DHX35: variants seen among roughly 807,000 people sequenced by gnomAD.
DHX35 encodes the protein DEAH-box helicase 35.
A neutral mutation model predicts 99.6 loss-of-function variants in DHX35; 84 were observed. The observed-to-expected ratio is 0.84, with a 90% CI of 0.71 to 1.01. DHX35 has a LOEUF of 1.01. DHX35 is among the 50% of genes least tolerant of loss of function. DHX35 has a pLI of 0.00. For synonymous variants in DHX35, 331 were observed against 316.2 expected, an observed-to-expected ratio of 1.05 and a Z score of -0.50; for missense variants, 852 against 888.5, an observed-to-expected ratio of 0.96 and a Z score of 0.52.
intron 3 of DHX35, chr20:38,978,039 T>C (rs1330275583): frequency 2.7e-6 from 2 of 740,106 alleles, no homozygotes; most frequent in African/African-American, 3.4e-5. Flanking sequence ...CTTCTTCCTC[T>C]TCATCTTCTG....
At chr20:38,997,718 C>T (rs1055196321) in intron 8 of DHX35, among the ~76,000 whole-genome samples, 4 of 151,684 alleles carry the variant, frequency 2.6e-5, no homozygotes, top group Admixed American at 6.6e-5. Flanking sequence ...GTTGTGGGTC[C>T]GTGTGTGAGG....
chr20:39,010,959 C>G (rs2086693806), intron 13 of DHX35, among the ~76,000 whole-genome samples: 1 of 152,218 alleles, frequency 6.6e-6, no homozygotes, highest in African/African-American at 2.4e-5. Context: ...AATGTCAACT[C>G]TAGCAGTGCC....
At chr20:38,987,815 T>C (rs1355223278) in intron 4 of DHX35, among the ~76,000 whole-genome samples, 1 of 152,228 alleles carries the variant, frequency 6.6e-6, no homozygotes, top group East Asian at 1.9e-4. Flanking sequence ...TTTATTGATC[T>C]TCTCATCCAC....
At chr20:38,970,693 C>G (rs140641484) in intron 2 of DHX35, among the ~76,000 whole-genome samples, 417 of 152,228 alleles carry the variant, frequency 2.7e-3, no homozygotes, top group African/African-American at 9.6e-3. Flanking sequence ...TGAGATCATC[C>G]ATGCAGAGCA....
chr20:39,031,588 C>A (rs1307249979), intron 20 of DHX35, among the ~76,000 whole-genome samples: 1 of 152,134 alleles, frequency 6.6e-6, no homozygotes, highest in South Asian at 2.1e-4. Context: ...CCACCCACCT[C>A]GGCCTCCCAA....
At chr20:38,996,050 T>C (rs373472868) in intron 8 of DHX35, among the ~76,000 whole-genome samples, 2 of 152,312 alleles carry the variant, frequency 1.3e-5, no homozygotes, top group East Asian at 3.9e-4. Flanking sequence ...CAGGCATGCT[T>C]CTGCTCTGGA....
chr20:39,034,740 C>T (rs2087119547), intron 21 of DHX35, among the ~76,000 whole-genome samples: 1 of 151,780 alleles, frequency 6.6e-6, no homozygotes, highest in Admixed American at 6.6e-5. Context: ...GTGTGTGCCA[C>T]CACGTCTGGC....
chr20:38,990,359 C>T (rs1158725893), intron 5 of DHX35, among the ~76,000 whole-genome samples: 3 of 152,130 alleles, frequency 2.0e-5, no homozygotes, highest in Non-Finnish European at 2.9e-5. Flanking sequence ...ATGGTTTAAC[C>T]TGAAAACAAA....
In DHX35 at chr20:39,038,813, C is replaced by G. The variant is rs2087198802; in HGVS notation, c.*270C>G. 3.9e-6 allele frequency: 2 copies of G among 515,730 alleles called. No individual in the cohort carries two copies. Among genetic ancestry groups the G allele is most frequent in the South Asian group, 4.6e-5 (2 of 43,220 alleles). The allele number at this position is 515,730 out of a possible 1,614,324, so 31.9% of individuals were successfully genotyped here. ...TTGGCTCACTCAGCACGCTCACTAA[C>G]CCAGCATGCCACTTCCAGCAGGCAT... On this transcript the variant is annotated 3_prime_UTR_variant, in exon 22 of 22. Transcript: ENST00000252011.
chr20:38,990,398 A>G (rs1601394430), intron 5 of DHX35, among the ~76,000 whole-genome samples: 1 of 152,228 alleles, frequency 6.6e-6, no homozygotes, highest in African/African-American at 2.4e-5. Context: ...CTGTTACTGT[A>G]TGTGTCTGAA....
intron 11 of DHX35, among the ~76,000 whole-genome samples, chr20:39,004,838 G>A (rs1021825246): frequency 4.6e-5 from 7 of 152,194 alleles, no homozygotes; most frequent in Non-Finnish European, 8.8e-5. Flanking sequence ...GTGAGGGATG[G>A]TCTGAGGATC....
rs1362362175 is a variant in DHX35, at chr20:39,023,887, C to T, written c.1671+120C>T. The T allele has an allele frequency of 8.6e-6, 7 of 814,468 alleles. No homozygotes were observed. The African/African-American group carries it at 1.2e-4, about 14-fold the overall frequency. The allele number at this position is 814,468 out of a possible 1,614,324, so 50.5% of individuals were successfully genotyped here. A position where few individuals can be genotyped will look rare whatever the true frequency, so the allele number is the denominator to read the frequency against. On this transcript the variant is annotated intron_variant, in intron 17 of 21. Coordinates refer to ENST00000252011, the MANE Select transcript of DHX35 (RefSeq NM_021931.4). ...ATGTCCAAGAGAGCCCTTGATTTTCCTGTTAGATTTATTGCCAGTACTTCT... is the reference window on the plus strand; with the variant it reads ...ATGTCCAAGAGAGCCCTTGATTTTCTTGTTAGATTTATTGCCAGTACTTCT...
At chr20:39,028,367 G>A (rs2145941766) in intron 18 of DHX35, 51 bp from the exon 19 acceptor site, 2 of 1,579,952 alleles carry the variant, frequency 1.3e-6, no homozygotes, top group East Asian at 2.2e-5. Flanking sequence ...AGCACACGGA[G>A]CCTAGGGCAG....
chr20:38,968,767 G>T (rs66513266), intron 1 of DHX35, among the ~76,000 whole-genome samples: 25,100 of 152,106 alleles, frequency 0.17, 2,227 homozygotes, highest in Middle Eastern at 0.31. Context: ...GCCCAGACTG[G>T]TCTCTAACCC....
chr20:38,972,528 G>A, intron 2 of DHX35, 31 bp from the exon 3 acceptor site: 1 of 1,396,562 alleles, frequency 7.2e-7, no homozygotes, highest in Non-Finnish European at 1.0e-6. Flanking sequence ...ACAATGTATG[G>A]CTATTTGCAA....
intron 14 of DHX35, among the ~76,000 whole-genome samples, chr20:39,016,868 C>CTT (rs777635952): frequency 4.7e-5 from 5 of 106,456 alleles, no homozygotes; most frequent in Non-Finnish European, 8.1e-5. Flanking sequence ...GTGCTGTTGT[C>CTT]TTTTTTTTTT....
intron 18 of DHX35, among the ~76,000 whole-genome samples, chr20:39,027,512 G>T (rs1038940558): frequency 6.6e-6 from 1 of 152,150 alleles, no homozygotes; most frequent in Non-Finnish European, 1.5e-5. Context: ...TAATATAAAA[G>T]AAGGTAACAG....
At chr20:39,005,792 G>A (rs1219821478) in intron 11 of DHX35, among the ~76,000 whole-genome samples, 1 of 152,162 alleles carries the variant, frequency 6.6e-6, no homozygotes, top group Non-Finnish European at 1.5e-5. Context: ...AAGATGGAGG[G>A]TGATTTACTT....
chr20:39,037,217 G>A (rs2087168702), intron 21 of DHX35, among the ~76,000 whole-genome samples: 1 of 152,242 alleles, frequency 6.6e-6, no homozygotes, highest in African/African-American at 2.4e-5. Context: ...ATCAGGTGAC[G>A]TGTAGAGAGA....
Sources: allele counts gnomAD v4.1 joint callset (sites outside exome capture counted in the v4.1 genomes callset), GRCh38; gene constraint gnomAD v4.1.1; transcripts MANE v1.5; gene names NCBI Gene and HGNC (gene_info 2026-07-23, HGNC 2026-07-21).